CELF4: variants seen among roughly 807,000 people sequenced by gnomAD.
CELF4 encodes CUG-BP- and ETR-3-like factor 4.
CELF4 carries 18 observed loss-of-function variants against 59.9 expected under a neutral mutation model. The observed-to-expected ratio is 0.30, with a 90% CI of 0.21 to 0.45. The LOEUF (loss-of-function observed/expected upper bound fraction) is 0.45. Among genes scored for constraint, CELF4 ranks in the 20% least tolerant of loss-of-function variants. The probability of loss-of-function intolerance (pLI) is 1.00; values close to 1 mark genes in which losing one functional copy is unlikely to be tolerated. For missense variants in CELF4, 456 were observed against 689.0 expected, an observed-to-expected ratio of 0.66 and a Z score of 3.79; for synonymous variants, 261 against 267.1, an observed-to-expected ratio of 0.98 and a Z score of 0.22.
intron 2 of CELF4, among the ~76,000 whole-genome samples, chr18:37,377,084 G>C (rs2098979206): frequency 1.3e-5 from 2 of 151,964 alleles, no homozygotes; most frequent in African/African-American, 4.8e-5. Flanking sequence ...GAAGAGAAAA[G>C]GCAAGACAAA....
intron 2 of CELF4, among the ~76,000 whole-genome samples, chr18:37,353,233 A>AAAAAATATATATATATATATATAT (rs71168258): frequency 1.3e-4 from 14 of 106,970 alleles, no homozygotes; most frequent in Admixed American, 3.7e-4. Context: ...AAAAAAAAAA[A>AAAAAATATATATATATATATATAT]ATATATATAT....
intron 2 of CELF4, among the ~76,000 whole-genome samples, chr18:37,327,620 G>C (rs1011881745): frequency 1.3e-5 from 2 of 152,206 alleles, no homozygotes; most frequent in Non-Finnish European, 2.9e-5. Flanking sequence ...GTCCTTCACT[G>C]CCTGATGCCT....
Position 37,253,710 on chromosome 18 carries a change from G to A in CELF4, c.*44+57C>T. On this transcript the variant is annotated intron_variant, in intron 12 of 12. Transcript: ENST00000420428. This position sits in a 1 kb window ranked among gnomAD's most constrained non-coding sequence, Gnocchi z 4.5. ...GCCCACGGAGGCCGGAGGAGGCGGC[G>A]GGTCCGTCTGGTTCCCTCCCAACCC... is the stretch of plus-strand genomic sequence containing the variant. The A allele has an allele frequency of 7.5e-7, 1 of 1,339,062 alleles. No homozygotes were observed. 82.9% of individuals were successfully genotyped at this position (1,339,062 alleles called of 1,614,324 possible).
intron 2 of CELF4, among the ~76,000 whole-genome samples, chr18:37,444,653 C>T (rs934229139): frequency 2.8e-5 from 4 of 145,452 alleles, no homozygotes; most frequent in African/African-American, 8.3e-5. Flanking sequence ...CACACACACA[C>T]GCGAACGATG....
At chr18:37,451,926 A>C in intron 2 of CELF4, among the ~76,000 whole-genome samples, 1 of 152,236 alleles carries the variant, frequency 6.6e-6, no homozygotes, top group East Asian at 1.9e-4. Flanking sequence ...CCTAGAGATG[A>C]GCCCAGGGCG....
chr18:37,251,689 G>A (rs1438710218), intron 12 of CELF4, among the ~76,000 whole-genome samples: 1 of 152,156 alleles, frequency 6.6e-6, no homozygotes, highest in Non-Finnish European at 1.5e-5. Context: ...CCTATATACA[G>A]AAAAAGCTGC....
At chr18:37,476,622 T>C (rs2099850021) in intron 2 of CELF4, among the ~76,000 whole-genome samples, 1 of 152,180 alleles carries the variant, frequency 6.6e-6, no homozygotes, top group African/African-American at 2.4e-5. Context: ...CAGTTCCGGA[T>C]CCCTGCAGGT....
At position 37,406,073 on chromosome 18, in the gene CELF4, C is replaced by T. The variant is rs151156222; in HGVS notation, c.369+79452G>A. Among the ~76,000 whole-genome samples the T allele has an allele frequency of 4.6e-3, 707 of 152,214 alleles. 9 individuals carry two copies. Among genetic ancestry groups the T allele is most frequent in the African/African-American group, 0.016 (671 of 41,518 alleles). The stretch of plus-strand genomic sequence containing the variant: ...TTTTTGTCACAGAAGATAGAAGACG[C>T]AGGTTCGCTGGAGAAACTGCCTCGC... On this transcript the variant is annotated intron_variant, in intron 2 of 12. Transcript: ENST00000420428.
chr18:37,515,477 G>A (rs2154604465), intron 1 of CELF4, among the ~76,000 whole-genome samples: 1 of 152,244 alleles, frequency 6.6e-6, no homozygotes, highest in South Asian at 2.1e-4. Flanking sequence ...CAAGTGGTAG[G>A]AACTGGCATT....
intron 2 of CELF4, among the ~76,000 whole-genome samples, chr18:37,361,238 G>A (rs950613285): frequency 6.6e-6 from 1 of 152,190 alleles, no homozygotes; most frequent in African/African-American, 2.4e-5. Flanking sequence ...CAACCCAAAG[G>A]GCAGAGTTAA....
rs868740284 is a variant in CELF4, at chr18:37,431,580, G to A, written c.369+53945C>T. On this transcript the variant is annotated intron_variant, in intron 2 of 12. Transcript: ENST00000420428. ...GAGACGGGGTTTCACCATGTTAGCCGGGATGGTCTTGATCTCCTGACCTCG... is the reference window on the plus strand; with the variant it reads ...GAGACGGGGTTTCACCATGTTAGCCAGGATGGTCTTGATCTCCTGACCTCG... 7.2e-5 allele frequency among the ~76,000 whole-genome samples: 11 copies of A among 151,774 alleles called. 1 individual carries two copies. The highest frequency in any genetic ancestry group is 5.9e-5 in the Non-Finnish European group (4 of 67,946).
intron 2 of CELF4, among the ~76,000 whole-genome samples, chr18:37,370,461 A>C (rs547757811): frequency 6.6e-6 from 1 of 152,164 alleles, no homozygotes; most frequent in African/African-American, 2.4e-5. Context: ...AGATGTCTCT[A>C]CAAGGGAACT....
In CELF4 at chr18:37,524,763, C is replaced by T. The variant is rs960444014; in HGVS notation, c.287-39156G>A. ...GCCCCTGCTCCCCAGCCGAACATCC[C>T]CCGAGCCGCAGGCCGCTGGGGTGCG... On this transcript the variant is annotated intron_variant, in intron 1 of 12. Coordinates refer to ENST00000420428, the MANE Select transcript of CELF4 (RefSeq NM_020180.4). 5.3e-5 allele frequency among the ~76,000 whole-genome samples: 8 copies of T among 152,172 alleles called. No individual in the cohort carries two copies. In the South Asian group the frequency reaches 6.2e-4, roughly 12 times the overall value.
Position 37,510,307 on chromosome 18 carries a change from C to T in CELF4, c.287-24700G>A, listed in dbSNP as rs529696495. Among the ~76,000 whole-genome samples the T allele has an allele frequency of 5.9e-5, 9 of 152,344 alleles. No individual in the cohort carries two copies. The South Asian group carries it at 1.9e-3, about 32-fold the overall frequency. On this transcript the variant is annotated intron_variant, in intron 1 of 12. Transcript: ENST00000420428. The stretch of plus-strand genomic sequence containing the variant: ...AGTGCATGCCAGGCTTCTCCTTGCT[C>T]AACCTGGCCGAATGTTACTTGGACC...
At chr18:37,343,972 C>T (rs558520525) in intron 2 of CELF4, among the ~76,000 whole-genome samples, 1 of 152,214 alleles carries the variant, frequency 6.6e-6, no homozygotes, top group Non-Finnish European at 1.5e-5. Flanking sequence ...AACCAAACTC[C>T]TCCCCATTTT....
intron 1 of CELF4, among the ~76,000 whole-genome samples, chr18:37,550,085 G>GT (rs1555649174): frequency 2.9e-5 from 3 of 104,478 alleles, no homozygotes; most frequent in African/African-American, 2.0e-4. Flanking sequence ...CCAATGGGTG[G>GT]GGGGGGGGGA....
At chr18:37,430,826 G>C (rs1279397622) in intron 2 of CELF4, among the ~76,000 whole-genome samples, 1 of 152,216 alleles carries the variant, frequency 6.6e-6, no homozygotes, top group African/African-American at 2.4e-5. Context: ...GGAAGTGCTT[G>C]CTCCTTCTCC....
At chr18:37,469,709 C>T (rs2099816671) in intron 2 of CELF4, among the ~76,000 whole-genome samples, 2 of 152,188 alleles carry the variant, frequency 1.3e-5, no homozygotes, top group African/African-American at 4.8e-5. Context: ...TTCTCAGAAC[C>T]TCTGGGCAGG....
chr18:37,350,182 G>T (rs1384793312), intron 2 of CELF4, among the ~76,000 whole-genome samples: 2 of 152,108 alleles, frequency 1.3e-5, no homozygotes, highest in Non-Finnish European at 2.9e-5. Context: ...TGGGAACAGA[G>T]CCCCATTCTC....
Sources: gnomAD v4.1 joint callset for allele counts (sites outside exome capture counted in the v4.1 genomes callset) on GRCh38, gnomAD v4.1.1 for gene constraint, Gnocchi (gnomAD v3.1) non-coding constraint, MANE v1.5 for transcripts, NCBI Gene and HGNC (gene_info 2026-07-23, HGNC 2026-07-21) for gene names.